Variants in SGPP2 observed in about 807,000 individuals in gnomAD.
SGPP2 encodes the protein sphingosine 1-phosphate phosphohydrolase 2.
In SGPP2, 30 loss-of-function variants were observed where a neutral mutation model predicts 33.9. The ratio of observed to expected loss-of-function variants is 0.89; its 90% CI spans 0.66 to 1.20. The LOEUF (loss-of-function observed/expected upper bound fraction) is 1.20. Ranked by LOEUF, SGPP2 falls within the 50% of genes most tolerant of loss-of-function variation. The probability of loss-of-function intolerance (pLI) is 0.00; values close to 1 mark genes in which losing one functional copy is unlikely to be tolerated. For synonymous variants in SGPP2, 233 were observed against 225.0 expected, an observed-to-expected ratio of 1.04 and a Z score of -0.32; for missense variants, 458 against 532.1, an observed-to-expected ratio of 0.86 and a Z score of 1.37.
intron 1 of SGPP2, among the ~76,000 whole-genome samples, chr2:222,444,538 C>T (rs1209718786): frequency 6.6e-6 from 1 of 152,180 alleles, no homozygotes; most frequent in African/African-American, 2.4e-5. Context: ...CCTGCTGGTC[C>T]CTGCTCTTGA....
In SGPP2 at chr2:222,550,739, A is replaced by G. The variant is rs1360162355; in HGVS notation, c.649-7608A>G. 6.6e-6 allele frequency among the ~76,000 whole-genome samples: 1 copy of G among 152,176 alleles called. No individual in the cohort carries two copies. The highest frequency in any genetic ancestry group is 1.5e-5 in the Non-Finnish European group (1 of 68,016). ...GATTTATTGTTCTAGAGTCTTTCTTATTATGATGTATGTTCCATACTTTCT... is the reference window on the plus strand; with the variant it reads ...GATTTATTGTTCTAGAGTCTTTCTTGTTATGATGTATGTTCCATACTTTCT... On this transcript the variant is annotated intron_variant, in intron 4 of 4. Transcript: ENST00000321276. This position sits in a 1 kb window ranked among gnomAD's most constrained non-coding sequence, Gnocchi z 4.5.
intron 4 of SGPP2, among the ~76,000 whole-genome samples, chr2:222,539,416 A>C (rs542372282): frequency 6.6e-6 from 1 of 152,246 alleles, no homozygotes; most frequent in Admixed American, 6.5e-5. Flanking sequence ...AATTTTATAC[A>C]GGGAATGTGG....
intron 2 of SGPP2, among the ~76,000 whole-genome samples, chr2:222,499,713 A>G (rs1014403368): frequency 6.6e-6 from 1 of 152,258 alleles, no homozygotes; most frequent in African/African-American, 2.4e-5. Flanking sequence ...AACAATGTCC[A>G]TAGATGATGG....
intron 1 of SGPP2, among the ~76,000 whole-genome samples, chr2:222,458,479 T>G (rs1310532900): frequency 6.6e-6 from 1 of 152,150 alleles, no homozygotes; most frequent in African/African-American, 2.4e-5. Context: ...AGAGCAAAAA[T>G]AAGTTACTGA....
rs1689268256 is a variant in SGPP2, at chr2:222,550,176, C to A, written c.649-8171C>A. On this transcript the variant is annotated intron_variant, in intron 4 of 4. Transcript: ENST00000321276. The surrounding 1 kb of genome is among the most constrained non-coding windows in gnomAD (Gnocchi z 4.5). ...TACAGGCATGAGCCACCGCACCCAG[C>A]CTGTATGCCTTTATTTTAAAAGTTA... is the stretch of plus-strand genomic sequence containing the variant. Among the ~76,000 whole-genome samples, 1 of 152,120 alleles carries A rather than the reference C, an allele frequency of 6.6e-6. No homozygotes were observed. Among genetic ancestry groups the A allele is most frequent in the South Asian group, 2.1e-4 (1 of 4,830 alleles).
chr2:222,521,565 T>C (rs1366716536), intron 2 of SGPP2, among the ~76,000 whole-genome samples: 1 of 152,272 alleles, frequency 6.6e-6, no homozygotes, highest in Non-Finnish European at 1.5e-5. Context: ...TCTTAGTTGC[T>C]CAGTGGTCCT....
chr2:222,435,187 A>G (rs914069572), intron 1 of SGPP2, among the ~76,000 whole-genome samples: 7 of 152,248 alleles, frequency 4.6e-5, no homozygotes, highest in Admixed American at 2.0e-4. Context: ...CTGAGTTCCA[A>G]AACTGAAGAA....
chr2:222,460,872 C>G lies in SGPP2; in HGVS notation c.220-13696C>G, dbSNP rs376808746. ...CTTCCAGGGTGAATTCCTTTCCTCT[C>G]CCTTCATGATGCCTTTTTAAAAAAT... is the stretch of plus-strand genomic sequence containing the variant. On this transcript the variant is annotated intron_variant, in intron 1 of 4. Transcript: ENST00000321276. The surrounding 1 kb of genome is among the most constrained non-coding windows in gnomAD (Gnocchi z 4.3). Among the ~76,000 whole-genome samples the G allele has an allele frequency of 1.4e-4, 22 of 152,220 alleles. No homozygotes were observed. The East Asian group carries it at 3.7e-3, about 25-fold the overall frequency.
intron 2 of SGPP2, among the ~76,000 whole-genome samples, chr2:222,514,206 C>T (rs1430112415): frequency 6.6e-6 from 1 of 152,180 alleles, no homozygotes; most frequent in East Asian, 1.9e-4. Context: ...CTTGAACCTG[C>T]TTTACTATTT....
chr2:222,435,076 A>G (rs1157465641), intron 1 of SGPP2, among the ~76,000 whole-genome samples: 3 of 150,008 alleles, frequency 2.0e-5, no homozygotes, highest in African/African-American at 2.5e-5. Flanking sequence ...ATACATATAT[A>G]TATACACATA....
chr2:222,511,586 A>G (rs1349084973), intron 2 of SGPP2, among the ~76,000 whole-genome samples: 4 of 152,230 alleles, frequency 2.6e-5, no homozygotes, highest in African/African-American at 9.6e-5. Context: ...CCTCTTCAAC[A>G]ATACAGAGAA....
chr2:222,486,499 G>C (rs1271236970), intron 2 of SGPP2, among the ~76,000 whole-genome samples: 1 of 152,200 alleles, frequency 6.6e-6, no homozygotes, highest in Non-Finnish European at 1.5e-5. Flanking sequence ...GCCACATGTG[G>C]CTGTGTGGCC....
At chr2:222,514,115 T>G (rs112954290) in intron 2 of SGPP2, among the ~76,000 whole-genome samples, 331 of 152,362 alleles carry the variant, frequency 2.2e-3, no homozygotes, top group African/African-American at 7.7e-3. Flanking sequence ...TAATGTGCTT[T>G]ATAATAAAAA....
At chr2:222,536,777 T>C (rs1204122702) in intron 4 of SGPP2, among the ~76,000 whole-genome samples, 3 of 152,234 alleles carry the variant, frequency 2.0e-5, no homozygotes, top group African/African-American at 7.2e-5. Flanking sequence ...AAGATCATTG[T>C]TATGATGTTT....
chr2:222,488,507 C>T (rs892731713), intron 2 of SGPP2, among the ~76,000 whole-genome samples: 5 of 152,194 alleles, frequency 3.3e-5, no homozygotes, highest in Admixed American at 6.5e-5. Context: ...TCTTCCCTCA[C>T]CCCTATCTGC....
At chr2:222,498,941 C>A (rs1455387670) in intron 2 of SGPP2, among the ~76,000 whole-genome samples, 4 of 152,156 alleles carry the variant, frequency 2.6e-5, no homozygotes, top group Non-Finnish European at 5.9e-5. Flanking sequence ...TTTCTGTGTT[C>A]ATATGGAAAC....
chr2:222,494,674 C>T (rs1244741145), intron 2 of SGPP2, among the ~76,000 whole-genome samples: 2 of 152,240 alleles, frequency 1.3e-5, no homozygotes, highest in Non-Finnish European at 2.9e-5. Context: ...GTGAGGCTTT[C>T]TCTAAGGGGA....
chr2:222,542,251 A>G (rs770095879), intron 4 of SGPP2, among the ~76,000 whole-genome samples: 78 of 152,094 alleles, frequency 5.1e-4, no homozygotes, highest in Admixed American at 4.3e-3. Flanking sequence ...GCTCTCATTC[A>G]TTAATTTTTG....
chr2:222,521,896 G>A lies in SGPP2; in HGVS notation c.508G>A (p.Ala170Thr), dbSNP rs754218731. 1.2e-6 allele frequency: 2 copies of A among 1,606,332 alleles called. No individual in the cohort carries two copies. Among genetic ancestry groups the A allele is most frequent in the Non-Finnish European group, 1.7e-6 (2 of 1,177,130 alleles). Residue 170 changes from alanine to threonine, a missense_variant, in exon 3 of 5, where the codon GCC becomes ACC. Ala to Thr is a moderately conservative substitution (Grantham distance 58, BLOSUM62 0). Transcript: ENST00000321276. Reference sequence around the variant, plus strand: ...AATGCCATCCACCCACGCCATGGCGGCCACTGCCATTGCCTTCACCCTCCT... The same window carrying A: ...AATGCCATCCACCCACGCCATGGCGACCACTGCCATTGCCTTCACCCTCCT... ...YGMPSTHAMA[A>T]TAIAFTLLIS... is the part of the protein sequence containing the mutation.
Sources: gnomAD v4.1 joint callset for allele counts (sites outside exome capture counted in the v4.1 genomes callset) on GRCh38, gnomAD v4.1.1 for gene constraint, Gnocchi (gnomAD v3.1) non-coding constraint, MANE v1.5 for transcripts, NCBI Gene and HGNC (gene_info 2026-07-23, HGNC 2026-07-21) for gene names.